The following XRCC4 variants were observed in gnomAD, a reference collection of about 807,000 sequenced individuals.
XRCC4 encodes DNA repair protein XRCC4.
Under a neutral mutation model 39.1 loss-of-function variants are expected in XRCC4, and 28 were observed. The ratio of observed to expected loss-of-function variants is 0.72; its 90% CI spans 0.53 to 0.98. The LOEUF (loss-of-function observed/expected upper bound fraction) is 0.98, where lower values mean the gene tolerates loss of function less well. Ranked by LOEUF, XRCC4 falls within the 50% of genes least tolerant of loss-of-function variation. XRCC4 has a pLI of 0.00. For missense variants in XRCC4, 350 were observed against 376.4 expected (o/e 0.93, Z 0.58); for synonymous variants, 123 against 126.4 (o/e 0.97, Z 0.18).
chr5:83,246,570 G>T (rs1872066), intron 6 of XRCC4, among the ~76,000 whole-genome samples: 24,378 of 151,834 alleles, frequency 0.16, 3,984 homozygotes, highest in African/African-American at 0.42. Context: ...AATAATTTTT[G>T]GGGCATCTAA....
chr5:83,212,797 C>A (rs534577053), intron 6 of XRCC4, among the ~76,000 whole-genome samples: 2 of 151,700 alleles, frequency 1.3e-5, no homozygotes, highest in South Asian at 4.2e-4. Flanking sequence ...CATGGTGGCA[C>A]GTGCCTGTAA....
At chr5:83,363,620 T>C in the XRCC4 span, among the ~76,000 whole-genome samples, 1 of 152,136 alleles carries the variant, frequency 6.6e-6, no homozygotes, top group Admixed American at 6.6e-5. Flanking sequence ...CAAACAGTCT[T>C]TGGAAGTTGA....
chr5:83,133,585 A>G (rs1191920219), intron 3 of XRCC4, among the ~76,000 whole-genome samples: 1 of 152,140 alleles, frequency 6.6e-6, no homozygotes, highest in East Asian at 1.9e-4. Flanking sequence ...AGCCTCAGCA[A>G]TGGTGGACGC....
intron 7 of XRCC4, among the ~76,000 whole-genome samples, chr5:83,320,601 T>A (rs953941216): frequency 6.6e-6 from 1 of 151,324 alleles, no homozygotes; most frequent in Non-Finnish European, 1.5e-5. Flanking sequence ...TGTGAAGGGG[T>A]CAATCAGTGT....
At chr5:83,275,702 C>A (rs538609601) in intron 7 of XRCC4, among the ~76,000 whole-genome samples, 3 of 152,248 alleles carry the variant, frequency 2.0e-5, no homozygotes, top group South Asian at 2.1e-4. Context: ...ATTGGAGAGT[C>A]CTAGACATTT....
Position 83,325,749 on chromosome 5 carries a change from G to T in XRCC4, c.894-27382G>T, listed in dbSNP as rs139942141. 3.4e-3 allele frequency among the ~76,000 whole-genome samples: 511 copies of T among 152,106 alleles called. 15 individuals are homozygous for T. In the East Asian group the frequency reaches 0.076, roughly 23 times the overall value. ...GTTGATTCCATGTCTTTGCTATTGT[G>T]AATAGTGCTGCAATGAACATATGCA... On this transcript the variant is annotated intron_variant, in intron 7 of 7. Transcript: ENST00000396027.
Position 83,320,628 on chromosome 5 carries a change from T to C in XRCC4, c.894-32503T>C, listed in dbSNP as rs115369977. Among the ~76,000 whole-genome samples, 662 of 151,842 alleles carry C rather than the reference T, an allele frequency of 4.4e-3. 4 individuals carry two copies. The highest frequency in any genetic ancestry group is 0.015 in the African/African-American group (634 of 41,486). The stretch of plus-strand genomic sequence containing the variant: ...AATCAGTGTCATGAACTTCATTGTC[T>C]TATTTTAAGAAATTGCACAGCCACT... On this transcript the variant is annotated intron_variant, in intron 7 of 7. Coordinates refer to ENST00000396027, the MANE Select transcript of XRCC4 (RefSeq NM_003401.5).
intron 7 of XRCC4, chr5:83,280,392 C>T: frequency 1.7e-6 from 1 of 575,058 alleles, no homozygotes; most frequent in Non-Finnish European, 3.2e-6. Flanking sequence ...AAATTCTTCT[C>T]TCTGAATATT....
At chr5:83,263,265 T>G (rs1020436399) in intron 7 of XRCC4, among the ~76,000 whole-genome samples, 2 of 151,930 alleles carry the variant, frequency 1.3e-5, no homozygotes, top group Non-Finnish European at 2.9e-5. Context: ...TTGGGTTGGT[T>G]CCAAGTCTTT....
chr5:83,205,245 G>A (rs1751373328), intron 6 of XRCC4, among the ~76,000 whole-genome samples: 2 of 152,098 alleles, frequency 1.3e-5, no homozygotes, highest in Admixed American at 1.3e-4. Context: ...CTTAAAGCTG[G>A]TTGCCTTTAA....
At chr5:83,149,645 G>C (rs777805225) in intron 3 of XRCC4, among the ~76,000 whole-genome samples, 4 of 152,124 alleles carry the variant, frequency 2.6e-5, no homozygotes, top group Non-Finnish European at 5.9e-5. Flanking sequence ...ATCAAAATAA[G>C]ATGGTGGTGT....
chr5:83,190,720 T>C (rs1750656917), intron 3 of XRCC4, among the ~76,000 whole-genome samples: 1 of 152,212 alleles, frequency 6.6e-6, no homozygotes, highest in Admixed American at 6.5e-5. Context: ...TTCATAGTAT[T>C]TATTTTGTAT....
intron 3 of XRCC4, among the ~76,000 whole-genome samples, chr5:83,140,674 A>G (rs1438680906): frequency 6.6e-6 from 1 of 152,248 alleles, no homozygotes; most frequent in Non-Finnish European, 1.5e-5. Context: ...TTTAAAATAT[A>G]GTACAGTATT....
At chr5:83,123,616 C>T (rs971704190) in intron 3 of XRCC4, among the ~76,000 whole-genome samples, 1 of 151,664 alleles carries the variant, frequency 6.6e-6, no homozygotes, top group Non-Finnish European at 1.5e-5. Flanking sequence ...TTACTTGTTC[C>T]TCTCTGTTTT....
rs10214125 is a variant in XRCC4, at chr5:83,096,812, C to A, written c.-10-8098C>A. On this transcript the variant is annotated intron_variant, in intron 1 of 7. Transcript: ENST00000396027. ...AATCTGAATGACAGAACACTAAGGA[C>A]CAATACTTACCCATAACAATCTGCT... is the stretch of plus-strand genomic sequence containing the variant. Among the ~76,000 whole-genome samples the A allele has an allele frequency of 2.9e-3, 448 of 152,248 alleles. 2 individuals are homozygous for A. The highest frequency in any genetic ancestry group is 0.01 in the African/African-American group (429 of 41,540).
At chr5:83,229,957 T>C (rs1339750259) in intron 6 of XRCC4, among the ~76,000 whole-genome samples, 3 of 152,040 alleles carry the variant, frequency 2.0e-5, no homozygotes, top group African/African-American at 7.2e-5. Flanking sequence ...ATACTAGAAT[T>C]AATTTTGTTG....
chr5:83,340,828 C>T (rs149323455), intron 7 of XRCC4, among the ~76,000 whole-genome samples: 16 of 152,312 alleles, frequency 1.1e-4, no homozygotes, highest in Middle Eastern at 3.4e-3. Context: ...GCTCATCCCA[C>T]GCTATGGTGA....
chr5:83,180,330 G>A (rs571279036), intron 3 of XRCC4, among the ~76,000 whole-genome samples: 73 of 152,188 alleles, frequency 4.8e-4, no homozygotes, highest in African/African-American at 1.8e-3. Context: ...AGTGATATGA[G>A]GGTAAAAGGT....
At chr5:83,348,653 T>C (rs1251971047) in intron 7 of XRCC4, among the ~76,000 whole-genome samples, 1 of 152,252 alleles carries the variant, frequency 6.6e-6, no homozygotes, top group Non-Finnish European at 1.5e-5. Flanking sequence ...CTGAAATGCC[T>C]TGGAGGCACT....
Sources: allele counts gnomAD v4.1 joint callset (sites outside exome capture counted in the v4.1 genomes callset), GRCh38; gene constraint gnomAD v4.1.1; transcripts MANE v1.5; gene names NCBI Gene and HGNC (gene_info 2026-07-23, HGNC 2026-07-21).